Variants in ATP8A2 observed in about 807,000 individuals in gnomAD.
ATP8A2 encodes phospholipid-transporting ATPase IB.
In ATP8A2, 100 loss-of-function variants were observed where a neutral mutation model predicts 165.6. The observed-to-expected ratio is 0.60, with a 90% CI of 0.51 to 0.71. ATP8A2 has a LOEUF of 0.71. Among genes scored for constraint, ATP8A2 ranks in the 30% least tolerant of loss-of-function variants. ATP8A2 has a pLI of 0.00. For missense variants in ATP8A2, 1,227 were observed against 1,479.5 expected (o/e 0.83, Z 2.80); for synonymous variants, 543 against 548.8 (o/e 0.99, Z 0.15).
intron 1 of ATP8A2, among the ~76,000 whole-genome samples, chr13:25,423,133 G>A (rs970237164): frequency 9.2e-5 from 14 of 152,110 alleles, no homozygotes; most frequent in African/African-American, 2.9e-4. Context: ...TCTGACTCTT[G>A]GACAGATGGG....
At chr13:25,826,185 T>C (rs1211846092) in intron 27 of ATP8A2, among the ~76,000 whole-genome samples, 3 of 152,188 alleles carry the variant, frequency 2.0e-5, no homozygotes, top group Non-Finnish European at 4.4e-5. Flanking sequence ...GAAACTTTAA[T>C]ATCACTTTGT....
chr13:25,487,069 C>T (rs2036376167), intron 2 of ATP8A2, among the ~76,000 whole-genome samples: 1 of 151,486 alleles, frequency 6.6e-6, no homozygotes, highest in African/African-American at 2.4e-5. Flanking sequence ...ACTTGAAAGA[C>T]AGTCTCTAAC....
intron 25 of ATP8A2, among the ~76,000 whole-genome samples, chr13:25,743,098 G>A (rs1336030985): frequency 6.6e-6 from 1 of 151,980 alleles, no homozygotes; most frequent in Non-Finnish European, 1.5e-5. Context: ...GAGGTCATTA[G>A]GGTGGACCTC....
intron 27 of ATP8A2, among the ~76,000 whole-genome samples, chr13:25,777,031 A>T (rs949567031): frequency 6.6e-5 from 10 of 152,144 alleles, no homozygotes; most frequent in African/African-American, 2.4e-4. Context: ...GTCTGCCTGA[A>T]AAATTCTATT....
intron 24 of ATP8A2, among the ~76,000 whole-genome samples, chr13:25,645,177 C>T (rs189166235): frequency 5.9e-5 from 9 of 151,958 alleles, no homozygotes; most frequent in African/African-American, 1.7e-4. Context: ...AATCATTGTG[C>T]GATATGAAAG....
chr13:25,641,969 TTGACAAACC>T (rs1249372886), intron 24 of ATP8A2, among the ~76,000 whole-genome samples: 4 of 152,158 alleles, frequency 2.6e-5, no homozygotes, highest in African/African-American at 9.7e-5. Context: ...CATCTGATCT[TTGACAAACC>T]TGACAGAAAC....
At chr13:25,984,597 CAA>C (rs11314872) in intron 35 of ATP8A2, among the ~76,000 whole-genome samples, 130 of 136,090 alleles carry the variant, frequency 9.6e-4, no homozygotes, top group African/African-American at 2.3e-3. Context: ...GACTTTGTCT[CAA>C]AAAAAAAAAA....
intron 1 of ATP8A2, among the ~76,000 whole-genome samples, chr13:25,407,852 C>T (rs2033850252): frequency 6.6e-6 from 1 of 152,054 alleles, no homozygotes; most frequent in Non-Finnish European, 1.5e-5. Flanking sequence ...GCAAACATGC[C>T]TTGGATGGCA....
chr13:25,879,053 T>TG (rs1952898895), intron 33 of ATP8A2, among the ~76,000 whole-genome samples: 2 of 152,226 alleles, frequency 1.3e-5, no homozygotes, highest in African/African-American at 4.8e-5. Flanking sequence ...ACTTGGTCTA[T>TG]GGGGCATGTG....
intron 25 of ATP8A2, among the ~76,000 whole-genome samples, chr13:25,707,212 T>C (rs1008472096): frequency 3.3e-5 from 5 of 152,194 alleles, no homozygotes; most frequent in African/African-American, 1.2e-4. Flanking sequence ...TAAATAATTA[T>C]TTACAGCTTA....
At chr13:25,736,944 G>C (rs183130920) in intron 25 of ATP8A2, among the ~76,000 whole-genome samples, 242 of 152,278 alleles carry the variant, frequency 1.6e-3, no homozygotes, top group African/African-American at 5.4e-3. Flanking sequence ...AAGTGGGAGA[G>C]TTTTCAGTGT....
chr13:25,805,376 C>T (rs1201507768), intron 27 of ATP8A2, among the ~76,000 whole-genome samples: 1 of 151,968 alleles, frequency 6.6e-6, no homozygotes, highest in Non-Finnish European at 1.5e-5. Flanking sequence ...ATTAGCCAGG[C>T]ATGGTGGTGC....
chr13:25,506,889 A>G (rs1021689429), intron 2 of ATP8A2, among the ~76,000 whole-genome samples: 9 of 148,938 alleles, frequency 6.0e-5, no homozygotes, highest in African/African-American at 2.2e-4. Flanking sequence ...CAAATTTCAG[A>G]TTTTCGGATT....
intron 7 of ATP8A2, among the ~76,000 whole-genome samples, chr13:25,539,123 GTCTTAC>G (rs1479239339): frequency 1.3e-4 from 19 of 150,740 alleles, no homozygotes; most frequent in African/African-American, 4.4e-4. Context: ...TGGAGACAAG[GTCTTAC>G]TCTGTCACCC....
At chr13:25,778,563 A>T (rs879794803) in intron 27 of ATP8A2, among the ~76,000 whole-genome samples, 1 of 152,156 alleles carries the variant, frequency 6.6e-6, no homozygotes, top group Non-Finnish European at 1.5e-5. Context: ...TTCCTTGACC[A>T]TCTCCGCTGT....
intron 35 of ATP8A2, among the ~76,000 whole-genome samples, chr13:25,973,285 C>T (rs973542786): frequency 6.6e-6 from 1 of 152,208 alleles, no homozygotes. Flanking sequence ...CTGTGAACAT[C>T]TGTGCGTGGC....
intron 24 of ATP8A2, among the ~76,000 whole-genome samples, chr13:25,659,872 A>C (rs1258876446): frequency 6.6e-6 from 1 of 152,122 alleles, no homozygotes; most frequent in Non-Finnish European, 1.5e-5. Context: ...TTTTTGGGAG[A>C]GTGACCTTCC....
chr13:25,721,304 C>T (rs2043376547), intron 25 of ATP8A2, among the ~76,000 whole-genome samples: 2 of 151,574 alleles, frequency 1.3e-5, no homozygotes, highest in South Asian at 4.2e-4. Flanking sequence ...AATATAGTCA[C>T]AGATATGAAC....
chr13:25,718,832 G>A (rs2043310583), intron 25 of ATP8A2, among the ~76,000 whole-genome samples: 1 of 152,194 alleles, frequency 6.6e-6, no homozygotes, highest in African/African-American at 2.4e-5. Flanking sequence ...AAACTTAGAG[G>A]CGTTTCTTCT....
Sources: allele counts gnomAD v4.1 joint callset (sites outside exome capture counted in the v4.1 genomes callset), GRCh38; gene constraint gnomAD v4.1.1; transcripts MANE v1.5; gene names NCBI Gene and HGNC (gene_info 2026-07-23, HGNC 2026-07-21).